The following NBAS variants were observed in gnomAD, a reference collection of about 807,000 sequenced individuals.
The protein encoded by NBAS is NBAS subunit of NRZ tethering complex, also known as NAG/BC035112 fusion.
Under a neutral mutation model 302.5 loss-of-function variants are expected in NBAS, and 219 were observed. The observed-to-expected ratio is 0.72, with a 90% CI of 0.65 to 0.81. The LOEUF (loss-of-function observed/expected upper bound fraction) is 0.81, where lower values mean the gene tolerates loss of function less well. NBAS is among the 30% of genes least tolerant of loss of function. The pLI, the probability that NBAS is intolerant of heterozygous loss-of-function variation, is 0.00. For synonymous variants in NBAS, 1,118 were observed against 1,021.6 expected, an observed-to-expected ratio of 1.09 and a Z score of -1.80; for missense variants, 2,932 against 2,841.6, an observed-to-expected ratio of 1.03 and a Z score of -0.72.
In NBAS at chr2:15,201,440, T is replaced by C. The variant is rs191881570; in HGVS notation, c.6433-11037A>G. Among the ~76,000 whole-genome samples, 17 of 152,326 alleles carry C rather than the reference T, an allele frequency of 1.1e-4. No homozygotes were observed. The South Asian group carries it at 2.5e-3, about 22-fold the overall frequency. Reference sequence around the variant, plus strand: ...TTGTGTCTACTGGATTGAATTAATATCTCTGTGGAAGGGAATTTTGAGAAG... The same window carrying C: ...TTGTGTCTACTGGATTGAATTAATACCTCTGTGGAAGGGAATTTTGAGAAG... On this transcript the variant is annotated intron_variant, in intron 48 of 51. Transcript: ENST00000281513.
chr2:14,876,813 G>A, the NBAS span, among the ~76,000 whole-genome samples: 1 of 152,170 alleles, frequency 6.6e-6, no homozygotes, highest in Non-Finnish European at 1.5e-5. Flanking sequence ...GTAGGACAGG[G>A]CCTCCCGGCC....
At chr2:15,178,156 T>C (rs1317223758) in intron 51 of NBAS, 1 of 470,504 alleles carries the variant, frequency 2.1e-6, no homozygotes, top group African/African-American at 2.0e-5. Flanking sequence ...CTAGAAGATA[T>C]CCTGCCACAT....
At chr2:15,126,096 A>C in the NBAS span, among the ~76,000 whole-genome samples, 1 of 152,058 alleles carries the variant, frequency 6.6e-6, no homozygotes, top group Non-Finnish European at 1.5e-5. Context: ...CTCATGAATG[A>C]CTTAGCACCA....
At chr2:15,311,467 G>A (rs111473284) in intron 38 of NBAS, among the ~76,000 whole-genome samples, 5 of 151,994 alleles carry the variant, frequency 3.3e-5, no homozygotes, top group Non-Finnish European at 7.4e-5. Context: ...ACATGTTTTC[G>A]TTTCCCACTA....
intron 21 of NBAS, among the ~76,000 whole-genome samples, chr2:15,457,766 A>C (rs1458151100): frequency 1.3e-5 from 2 of 152,206 alleles, no homozygotes; most frequent in East Asian, 3.9e-4. Context: ...GCTGAAAATG[A>C]ATATCAAGTA....
chr2:15,092,074 G>A, the NBAS span, among the ~76,000 whole-genome samples: 1,083 of 152,274 alleles, frequency 7.1e-3, 13 homozygotes, highest in African/African-American at 0.025. Flanking sequence ...ACTGTAAATG[G>A]GGAAACTGAG....
At chr2:15,034,236 GAAA>G in the NBAS span, among the ~76,000 whole-genome samples, 4,109 of 40,808 alleles carry the variant, frequency 0.1, 287 homozygotes, top group Non-Finnish European at 0.12. Context: ...AAGAAAGAAG[GAAA>G]GAAAGAAAGA....
intron 41 of NBAS, among the ~76,000 whole-genome samples, chr2:15,292,266 T>C (rs1203529651): frequency 6.6e-6 from 1 of 152,226 alleles, no homozygotes; most frequent in Non-Finnish European, 1.5e-5. Flanking sequence ...ATTACAGGCA[T>C]GAGCCACCAC....
At chr2:15,045,933 C>G in the NBAS span, among the ~76,000 whole-genome samples, 1 of 151,972 alleles carries the variant, frequency 6.6e-6, no homozygotes, top group Non-Finnish European at 1.5e-5. Context: ...GTGTGTACCC[C>G]CTAATTTCAG....
At chr2:15,065,550 G>A in the NBAS span, among the ~76,000 whole-genome samples, 1 of 152,100 alleles carries the variant, frequency 6.6e-6, no homozygotes, top group Non-Finnish European at 1.5e-5. Context: ...CACTGAAGTT[G>A]CAGGATACAA....
chr2:14,974,319 T>C, the NBAS span, among the ~76,000 whole-genome samples: 1 of 152,174 alleles, frequency 6.6e-6, no homozygotes, highest in Non-Finnish European at 1.5e-5. Context: ...CCGCTATAAA[T>C]ATTCTTGATG....
intron 40 of NBAS, among the ~76,000 whole-genome samples, chr2:15,294,283 C>T (rs1027600233): frequency 6.6e-6 from 1 of 151,974 alleles, no homozygotes; most frequent in Non-Finnish European, 1.5e-5. Flanking sequence ...ATAACGAGGG[C>T]AGCAAAAAAC....
chr2:15,143,872 C>T, the NBAS span, among the ~76,000 whole-genome samples: 1 of 151,738 alleles, frequency 6.6e-6, no homozygotes, highest in Non-Finnish European at 1.5e-5. Context: ...CCTAGCCTCC[C>T]AGCCTACATC....
intron 25 of NBAS, among the ~76,000 whole-genome samples, chr2:15,413,091 C>T (rs771666132): frequency 6.6e-6 from 1 of 152,214 alleles, no homozygotes; most frequent in Non-Finnish European, 1.5e-5. Flanking sequence ...CCCAATAAAC[C>T]CTAACCCATT....
At chr2:15,275,907 T>G in intron 43 of NBAS, 89 bp from the exon 44 acceptor site, 1 of 1,120,234 alleles carries the variant, frequency 8.9e-7, no homozygotes, top group Non-Finnish European at 1.3e-6. Context: ...GCCCTCTATA[T>G]GTCTGAACGC....
At chr2:15,194,605 A>G (rs1210890471) in intron 48 of NBAS, among the ~76,000 whole-genome samples, 1 of 152,224 alleles carries the variant, frequency 6.6e-6, no homozygotes, top group Non-Finnish European at 1.5e-5. Flanking sequence ...ATGAAGTATC[A>G]GAAGGAAGAA....
chr2:14,912,701 TTTA>T, the NBAS span, among the ~76,000 whole-genome samples: 5 of 73,626 alleles, frequency 6.8e-5, no homozygotes, highest in African/African-American at 3.3e-4. Context: ...TGCATTCATT[TTTA>T]AAAAAAAAAA....
chr2:14,873,845 T>A, the NBAS span, among the ~76,000 whole-genome samples: 4 of 97,424 alleles, frequency 4.1e-5, no homozygotes, highest in Admixed American at 2.6e-4. Flanking sequence ...TGCATTACAT[T>A]TTTTTTTTAC....
chr2:15,088,731 A>G, the NBAS span, among the ~76,000 whole-genome samples: 1 of 152,222 alleles, frequency 6.6e-6, no homozygotes, highest in East Asian at 1.9e-4. Context: ...AATTTCTTTC[A>G]TTCTCACAGA....
Sources: gnomAD v4.1 joint callset for allele counts (sites outside exome capture counted in the v4.1 genomes callset) on GRCh38, gnomAD v4.1.1 for gene constraint, MANE v1.5 for transcripts, NCBI Gene and HGNC (gene_info 2026-07-23, HGNC 2026-07-21) for gene names.